Variants in AOAH observed in about 807,000 individuals in gnomAD.
AOAH encodes the protein acyloxyacyl hydrolase.
A neutral mutation model predicts 92.2 loss-of-function variants in AOAH; 64 were observed. The ratio of observed to expected loss-of-function variants is 0.69; its 90% confidence interval spans 0.57 to 0.86. AOAH has a LOEUF of 0.86. Ranked by LOEUF, AOAH falls within the 40% of genes least tolerant of loss-of-function variation. The pLI is 0.00. For synonymous variants in AOAH, 263 were observed against 254.5 expected (o/e 1.03, Z -0.32); for missense variants, 656 against 694.6 (o/e 0.94, Z 0.62).
rs556242228 is a variant in AOAH at position 36,641,967 on chromosome 7, C to T, written c.391-4057G>A. On this transcript the variant is annotated intron_variant, in intron 4 of 20. Transcript: ENST00000617537. ...ACACTTCTGTCTAGAATGATTTAAG[C>T]GTCTACCCAAATCAAAGCCAGCCCA... 3.2e-3 allele frequency among the ~76,000 whole-genome samples: 484 copies of T among 152,176 alleles called. 5 individuals are homozygous for T. The highest frequency in any genetic ancestry group is 0.011 in the African/African-American group (463 of 41,530).
At chr7:36,594,307 T>C (rs1337925407) in intron 12 of AOAH, 32 bp downstream of exon 12, 1 of 1,533,322 alleles carries the variant, frequency 6.5e-7, no homozygotes, top group Middle Eastern at 1.7e-4. Context: ...ACAGAGGTAT[T>C]GAAATGTCTG....
intron 18 of AOAH, among the ~76,000 whole-genome samples, chr7:36,531,842 T>TGTGTGTGTGTGTG (rs1784708548): frequency 1.3e-5 from 2 of 150,524 alleles, no homozygotes; most frequent in Non-Finnish European, 3.0e-5. Context: ...CTTTAAGAGG[T>TGTGTGTGTGTGTG]TGTGTGTGTG....
intron 16 of AOAH, among the ~76,000 whole-genome samples, chr7:36,536,949 C>CAAAAAA (rs11441171): frequency 8.4e-5 from 4 of 47,458 alleles, no homozygotes; most frequent in Non-Finnish European, 1.3e-4. Context: ...GACTTCATCT[C>CAAAAAA]AAAAAAAAAA....
intron 12 of AOAH, among the ~76,000 whole-genome samples, chr7:36,584,252 G>C (rs542798965): frequency 2.0e-4 from 30 of 152,178 alleles, no homozygotes; most frequent in African/African-American, 6.0e-4. Context: ...ATGTGTGTTA[G>C]TACCCTTTAA....
chr7:36,700,727 A>C (rs764693619), intron 1 of AOAH, among the ~76,000 whole-genome samples: 68 of 152,052 alleles, frequency 4.5e-4, no homozygotes, highest in Non-Finnish European at 7.9e-4. Flanking sequence ...TTTGAAAAGT[A>C]GTTCTATTTT....
chr7:36,533,532 A>G (rs1784823603), intron 16 of AOAH, among the ~76,000 whole-genome samples: 1 of 152,126 alleles, frequency 6.6e-6, no homozygotes, highest in Non-Finnish European at 1.5e-5. Flanking sequence ...TCTTCTGTAC[A>G]GGCTTCTGTA....
At chr7:36,664,166 A>G (rs1029680620) in intron 3 of AOAH, among the ~76,000 whole-genome samples, 8 of 152,006 alleles carry the variant, frequency 5.3e-5, no homozygotes, top group African/African-American at 1.7e-4. Context: ...GAGTCTATTT[A>G]TTTGTACTAT....
chr7:36,541,226 A>C (rs1299513597), intron 15 of AOAH, among the ~76,000 whole-genome samples: 1 of 152,224 alleles, frequency 6.6e-6, no homozygotes, highest in Non-Finnish European at 1.5e-5. Flanking sequence ...AGCATTTCAC[A>C]ACAATTCCAG....
intron 3 of AOAH, among the ~76,000 whole-genome samples, chr7:36,663,716 C>T (rs1348064022): frequency 6.6e-6 from 1 of 152,132 alleles, no homozygotes; most frequent in African/African-American, 2.4e-5. Flanking sequence ...TATGATTGGA[C>T]ATTGTGGCTG....
chr7:36,678,596 T>TGCGC lies in AOAH; in HGVS notation c.224-4588_224-4587insGCGC, dbSNP rs1375924212. Reference sequence around the variant, plus strand: ...GTGTGTGTGTGTGTGTGTGTGTGTGTGTGTGCGCGCGCGCGCGCGTTAGAA... The same window carrying TGCGC: ...GTGTGTGTGTGTGTGTGTGTGTGTGTGCGCGTGTGCGCGCGCGCGCGCGTTAGAA... On this transcript the variant is annotated intron_variant, in intron 2 of 20. Coordinates refer to ENST00000617537, the MANE Select transcript of AOAH (RefSeq NM_001637.4). Among the ~76,000 whole-genome samples, 86 of 138,162 alleles carry TGCGC rather than the reference T, an allele frequency of 6.2e-4. 1 individual carries two copies. Among genetic ancestry groups the TGCGC allele is most frequent in the African/African-American group, 2.2e-3 (82 of 36,762 alleles). The allele number at this position is 138,162 out of a possible 152,430, so 90.6% of individuals were successfully genotyped here. A position where few individuals can be genotyped will look rare whatever the true frequency, so the allele number is the denominator to read the frequency against.
At chr7:36,719,939 TA>T (rs34744842) in intron 1 of AOAH, among the ~76,000 whole-genome samples, 50,115 of 143,722 alleles carry the variant, frequency 0.35, 9,344 homozygotes, top group East Asian at 0.54. Flanking sequence ...TTGTCTTTAT[TA>T]AAAAAAAAAA....
At chr7:36,612,273 A>C (rs1791515267) in intron 11 of AOAH, among the ~76,000 whole-genome samples, 2 of 152,210 alleles carry the variant, frequency 1.3e-5, no homozygotes, top group Non-Finnish European at 1.5e-5. Flanking sequence ...TTGCACACAG[A>C]CACACATATA....
intron 7 of AOAH, among the ~76,000 whole-genome samples, 162 bp downstream of exon 7, chr7:36,623,028 G>A (rs1792396485): frequency 1.3e-5 from 2 of 152,212 alleles, no homozygotes; most frequent in Non-Finnish European, 2.9e-5. Flanking sequence ...GGAACAGAGT[G>A]AGACTTGGTC....
At chr7:36,520,727 T>G (rs915195878) in intron 20 of AOAH, among the ~76,000 whole-genome samples, 1 of 117,734 alleles carries the variant, frequency 8.5e-6, no homozygotes, top group African/African-American at 3.2e-5. Context: ...AAAAAAAAAA[T>G]AGAAAGTAGG....
intron 2 of AOAH, among the ~76,000 whole-genome samples, chr7:36,682,469 A>C (rs1796714360): frequency 6.6e-6 from 1 of 152,234 alleles, no homozygotes; most frequent in African/African-American, 2.4e-5. Flanking sequence ...TATAAGAAGA[A>C]AAAGATTAAG....
chr7:36,609,996 A>C (rs1022314321), intron 11 of AOAH, among the ~76,000 whole-genome samples: 4 of 152,088 alleles, frequency 2.6e-5, no homozygotes, highest in Non-Finnish European at 4.4e-5. Flanking sequence ...GAGGTGTCTG[A>C]GCTCAACACA....
intron 20 of AOAH, among the ~76,000 whole-genome samples, chr7:36,521,798 C>T (rs905272323): frequency 1.3e-5 from 2 of 152,128 alleles, no homozygotes; most frequent in Non-Finnish European, 2.9e-5. Context: ...ATGCCCTGCA[C>T]ATATTTTATG....
rs985397992 is a variant in AOAH at position 36,715,174 on chromosome 7, T to C, written c.127+8848A>G. Among the ~76,000 whole-genome samples the C allele has an allele frequency of 3.3e-5, 5 of 152,240 alleles. No individual in the cohort carries two copies. In the South Asian group the frequency reaches 6.2e-4, roughly 19 times the overall value. The stretch of plus-strand genomic sequence containing the variant: ...TGTGCAAAAATCACAAGCATTCTTA[T>C]ACACCAATAACAGACAGAGAGCCAA... On this transcript the variant is annotated intron_variant, in intron 1 of 20. Transcript: ENST00000617537.
chr7:36,524,771 T>A (rs972772830), intron 19 of AOAH, among the ~76,000 whole-genome samples: 1 of 151,220 alleles, frequency 6.6e-6, no homozygotes, highest in Admixed American at 6.6e-5. Flanking sequence ...GAGGATATGA[T>A]GAGAAGTTGG....
Sources: allele counts gnomAD v4.1 joint callset (sites outside exome capture counted in the v4.1 genomes callset), GRCh38; gene constraint gnomAD v4.1.1; transcripts MANE v1.5; gene names NCBI Gene and HGNC (gene_info 2026-07-23, HGNC 2026-07-21).